The following NCOA6 variants were observed in gnomAD, a reference collection of about 807,000 sequenced individuals.
NCOA6 encodes the protein nuclear receptor coactivator 6, also known as NRC RAP250.
Under a neutral mutation model 171.4 loss-of-function variants are expected in NCOA6, and 49 were observed. The ratio of observed to expected loss-of-function variants is 0.29; its 90% CI spans 0.23 to 0.36. The LOEUF is 0.36. Among genes scored for constraint, NCOA6 ranks in the 10% least tolerant of loss-of-function variants. The pLI is 1.00. For synonymous variants in NCOA6, 910 were observed against 927.5 expected (o/e 0.98, Z 0.34); for missense variants, 2,248 against 2,554.5 (o/e 0.88, Z 2.59).
intron 6 of NCOA6, among the ~76,000 whole-genome samples, chr20:34,758,560 T>G (rs977572980): frequency 6.6e-6 from 1 of 152,202 alleles, no homozygotes; most frequent in Non-Finnish European, 1.5e-5. Flanking sequence ...AATGAGCATC[T>G]TGCAGGACTA....
chr20:34,798,160 A>C (rs2078143201), intron 1 of NCOA6, among the ~76,000 whole-genome samples: 1 of 152,210 alleles, frequency 6.6e-6, no homozygotes, highest in Non-Finnish European at 1.5e-5. Context: ...GCCTTGAGTG[A>C]ACACTGGCAG....
chr20:34,751,653 G>A (rs2076491755), intron 8 of NCOA6, among the ~76,000 whole-genome samples: 1 of 151,974 alleles, frequency 6.6e-6, no homozygotes, highest in Non-Finnish European at 1.5e-5. Context: ...GCAAATAGAG[G>A]AATAATAAAA....
At chr20:34,746,081 G>A (rs1211734885) in intron 10 of NCOA6, among the ~76,000 whole-genome samples, 1 of 151,910 alleles carries the variant, frequency 6.6e-6, no homozygotes, top group Non-Finnish European at 1.5e-5. Flanking sequence ...AGATCATCTT[G>A]TTTTAAACCC....
intron 1 of NCOA6, among the ~76,000 whole-genome samples, chr20:34,805,555 T>C (rs924030389): frequency 1.1e-4 from 16 of 152,222 alleles, no homozygotes; most frequent in Admixed American, 8.5e-4. Context: ...AAGTTGATTA[T>C]CTTGGCTATT....
intron 5 of NCOA6, among the ~76,000 whole-genome samples, chr20:34,766,284 A>G (rs772966042): frequency 1.3e-5 from 2 of 152,128 alleles, no homozygotes; most frequent in Admixed American, 6.5e-5. Context: ...TTCAACCTAA[A>G]GCTTCTCAGT....
chr20:34,804,285 C>T (rs534563454), intron 1 of NCOA6, among the ~76,000 whole-genome samples: 3 of 147,556 alleles, frequency 2.0e-5, no homozygotes, highest in African/African-American at 5.0e-5. Context: ...TGCAGTAAGC[C>T]GAGATCACGC....
chr20:34,774,092 A>G (rs1297271070), intron 4 of NCOA6, among the ~76,000 whole-genome samples: 2 of 152,262 alleles, frequency 1.3e-5, no homozygotes, highest in Non-Finnish European at 2.9e-5. Flanking sequence ...AGGGAGAACC[A>G]GCATTATATT....
At chr20:34,790,116 T>C (rs2077823920) in intron 2 of NCOA6, among the ~76,000 whole-genome samples, 1 of 149,770 alleles carries the variant, frequency 6.7e-6, no homozygotes, top group African/African-American at 2.5e-5. Context: ...AAATTACACA[T>C]ATATTCACAG....
At chr20:34,716,357 C>T (rs1988598566) in intron 14 of NCOA6, among the ~76,000 whole-genome samples, 1 of 152,164 alleles carries the variant, frequency 6.6e-6, no homozygotes. Flanking sequence ...CACAGAATGA[C>T]AGTGACATAC....
intron 2 of NCOA6, among the ~76,000 whole-genome samples, chr20:34,787,122 G>GAA (rs71340421): frequency 0.026 from 3,831 of 144,662 alleles, 183 homozygotes; most frequent in African/African-American, 0.092. Flanking sequence ...ACAAATTTAT[G>GAA]AAAAAAAAAA....
chr20:34,816,442 G>A (rs887778628), intron 1 of NCOA6, among the ~76,000 whole-genome samples: 3 of 152,066 alleles, frequency 2.0e-5, no homozygotes, highest in Admixed American at 6.6e-5. Context: ...CAGGGAAAAC[G>A]CCATGTGACA....
At position 34,745,756 on chromosome 20, in the gene NCOA6, T is replaced by C. The variant is rs1281884742; in HGVS notation, c.2914+1051A>G. Reference sequence around the variant, plus strand: ...GGGTTGTGTATCTTCAACCGTGTCATAGGGGAATAAAGTTACAAGTCATTG... The same window carrying C: ...GGGTTGTGTATCTTCAACCGTGTCACAGGGGAATAAAGTTACAAGTCATTG... On this transcript the variant is annotated intron_variant, in intron 10 of 14. Coordinates refer to ENST00000359003, the MANE Select transcript of NCOA6 (RefSeq NM_014071.5). Among the ~76,000 whole-genome samples, 5 of 152,146 alleles carry C rather than the reference T, an allele frequency of 3.3e-5. No homozygotes were observed. In the East Asian group the frequency reaches 5.8e-4, roughly 18 times the overall value.
chr20:34,817,991 A>G (rs1206732487), intron 1 of NCOA6, among the ~76,000 whole-genome samples: 1 of 152,234 alleles, frequency 6.6e-6, no homozygotes, highest in African/African-American at 2.4e-5. Context: ...ATTATATGGT[A>G]TGCAGAGATT....
chr20:34,777,116 CAAAAA>C (rs1157021055), intron 3 of NCOA6, among the ~76,000 whole-genome samples: 1 of 43,866 alleles, frequency 2.3e-5, no homozygotes, highest in Non-Finnish European at 5.0e-5. Flanking sequence ...GACTCCGTCT[CAAAAA>C]AAAAAAAAAA....
intron 2 of NCOA6, among the ~76,000 whole-genome samples, chr20:34,790,112 C>T (rs2077823695): frequency 6.7e-6 from 1 of 149,702 alleles, no homozygotes; most frequent in Non-Finnish European, 1.5e-5. Flanking sequence ...CTCTAAATTA[C>T]ACATATATTC....
intron 1 of NCOA6, among the ~76,000 whole-genome samples, chr20:34,823,907 C>T (rs1349837413): frequency 6.6e-6 from 1 of 152,138 alleles, no homozygotes; most frequent in African/African-American, 2.4e-5. Flanking sequence ...GGTCTGCCAG[C>T]TCCTGGGCTC....
chr20:34,768,070 CAAG>C (rs1312917395), intron 5 of NCOA6, among the ~76,000 whole-genome samples: 2 of 152,172 alleles, frequency 1.3e-5, no homozygotes, highest in Non-Finnish European at 2.9e-5. Context: ...CATAAGCACA[CAAG>C]AACTCAATTC....
chr20:34,815,185 G>A (rs1370331440), intron 1 of NCOA6, among the ~76,000 whole-genome samples: 2 of 150,708 alleles, frequency 1.3e-5, no homozygotes, highest in South Asian at 2.1e-4. Flanking sequence ...ACTGGCCTGG[G>A]CAACATAGGA....
chr20:34,725,875 A>G (rs1013799377), intron 14 of NCOA6, among the ~76,000 whole-genome samples: 4 of 152,218 alleles, frequency 2.6e-5, no homozygotes, highest in African/African-American at 9.7e-5. Flanking sequence ...CAGTTGTCTA[A>G]GATCTCTAGG....
Sources: gnomAD v4.1 joint callset for allele counts (sites outside exome capture counted in the v4.1 genomes callset) on GRCh38, gnomAD v4.1.1 for gene constraint, MANE v1.5 for transcripts, NCBI Gene and HGNC (gene_info 2026-07-23, HGNC 2026-07-21) for gene names.